The following CELSR1 variants were observed in gnomAD, a reference collection of about 807,000 sequenced individuals.
CELSR1 encodes the protein cadherin EGF LAG seven-pass G-type receptor 1.
CELSR1 carries 110 observed loss-of-function variants against 249.1 expected under a neutral mutation model. That is an observed-to-expected ratio of 0.44 (90% confidence interval 0.38 to 0.52). The LOEUF (loss-of-function observed/expected upper bound fraction) is 0.52. Among genes scored for constraint, CELSR1 ranks in the 20% least tolerant of loss-of-function variants. The probability of loss-of-function intolerance (pLI) is 0.00; values close to 1 mark genes in which losing one functional copy is unlikely to be tolerated. For missense variants in CELSR1, 4,109 were observed against 4,296.4 expected (o/e 0.96, Z 1.22); for synonymous variants, 2,113 against 1,900.0 (o/e 1.11, Z -2.92).
At chr22:46,514,848 C>A (rs984129779) in intron 1 of CELSR1, among the ~76,000 whole-genome samples, 9 of 152,184 alleles carry the variant, frequency 5.9e-5, no homozygotes, top group Admixed American at 5.9e-4. Flanking sequence ...CCCCTTCCCA[C>A]CCCAGGGATG....
At chr22:46,495,038 G>T (rs2080400192) in intron 1 of CELSR1, among the ~76,000 whole-genome samples, 1 of 152,228 alleles carries the variant, frequency 6.6e-6, no homozygotes, top group African/African-American at 2.4e-5. Flanking sequence ...GAACATCACA[G>T]AGTGTCCTTA....
intron 32 of CELSR1, 89 bp from the exon 33 acceptor site, chr22:46,364,825 C>T (rs2078748999): frequency 7.8e-7 from 1 of 1,287,692 alleles, no homozygotes; most frequent in Non-Finnish European, 1.1e-6. Context: ...CTCTGACCCA[C>T]CTCTCCCCAA....
intron 1 of CELSR1, among the ~76,000 whole-genome samples, chr22:46,474,788 CTT>C (rs55932520): frequency 1.1e-5 from 1 of 89,620 alleles, no homozygotes; most frequent in Non-Finnish European, 2.0e-5. Context: ...CTCTCTACTT[CTT>C]TTTTTTTTTT....
chr22:46,431,809 T>C (rs1352338206), intron 5 of CELSR1, among the ~76,000 whole-genome samples: 8 of 152,100 alleles, frequency 5.3e-5, no homozygotes, highest in Non-Finnish European at 1.2e-4. Context: ...AGCAAATAAA[T>C]CCGCGTCTGT....
At chr22:46,485,559 G>A (rs1035151510) in intron 1 of CELSR1, among the ~76,000 whole-genome samples, 7 of 152,222 alleles carry the variant, frequency 4.6e-5, no homozygotes, top group African/African-American at 9.7e-5. Flanking sequence ...AGAAGTGAAC[G>A]TCACAAGTAA....
chr22:46,367,947 C>T, intron 27 of CELSR1, 92 bp from the exon 28 acceptor site: 1 of 1,465,006 alleles, frequency 6.8e-7, no homozygotes, highest in Non-Finnish European at 9.1e-7. Context: ...CACCTGCCTG[C>T]CCGTCCGCCC....
chr22:46,378,843 C>T (rs553065136), intron 22 of CELSR1, 126 bp from the exon 23 acceptor site: 122 of 1,260,122 alleles, frequency 9.7e-5, no homozygotes, highest in South Asian at 9.1e-4. Flanking sequence ...CAGCAGGTGC[C>T]GTGAGTGCTG....
At position 46,380,261 on chromosome 22, in the gene CELSR1, G is replaced by A. The variant is rs531327794; in HGVS notation, c.7256+527C>T. Among the ~76,000 whole-genome samples, 3 of 152,298 alleles carry A rather than the reference G, an allele frequency of 2.0e-5. No individual in the cohort carries two copies. Among genetic ancestry groups the A allele is most frequent in the Non-Finnish European group, 2.9e-5 (2 of 68,018 alleles). On this transcript the variant is annotated intron_variant, in intron 22 of 34. Transcript: ENST00000674500. The surrounding 1 kb of genome is among the most constrained non-coding windows in gnomAD (Gnocchi z 5.1). Reference sequence around the variant, plus strand: ...GTTCGCCACTCTGTGACTCTCTGACGCTGCTTCTGAAACGGGCCAGATAAA... The same window carrying A: ...GTTCGCCACTCTGTGACTCTCTGACACTGCTTCTGAAACGGGCCAGATAAA...
rs570113056 is a variant in CELSR1, at chr22:46,436,982, G to C, written c.4407-693C>G. Reference sequence around the variant, plus strand: ...TGCTGACTCATTGGTTTATAAGAATGTATGATCCATAAGGGGAGGAACCGC... The same window carrying C: ...TGCTGACTCATTGGTTTATAAGAATCTATGATCCATAAGGGGAGGAACCGC... On this transcript the variant is annotated intron_variant, in intron 3 of 34. Coordinates refer to ENST00000674500, the MANE Select transcript of CELSR1 (RefSeq NM_001378328.1). The surrounding 1 kb of genome is among the most constrained non-coding windows in gnomAD (Gnocchi z 5.9). Among the ~76,000 whole-genome samples the C allele has an allele frequency of 6.6e-6, 1 of 152,290 alleles. No homozygotes were observed. The highest frequency in any genetic ancestry group is 2.1e-4 in the South Asian group (1 of 4,824).
intron 14 of CELSR1, among the ~76,000 whole-genome samples, chr22:46,392,785 T>A (rs879388507): frequency 2.6e-5 from 4 of 152,174 alleles, no homozygotes; most frequent in Non-Finnish European, 5.9e-5. Flanking sequence ...CTTGAACTCC[T>A]GGGCTCAAGT....
intron 18 of CELSR1, among the ~76,000 whole-genome samples, 180 bp downstream of exon 18, chr22:46,389,110 C>T (rs1602063113): frequency 3.9e-5 from 6 of 152,234 alleles, no homozygotes; most frequent in African/African-American, 4.8e-5. Flanking sequence ...CCCTAACGCT[C>T]GTCGTCAGTT....
At position 46,535,116 on chromosome 22, in the gene CELSR1, C is replaced by T. The variant is rs772772302; in HGVS notation, c.2055G>A (p.Pro685=). ...GCTCGTAGGTGGGCTGCGTGAACAC[C>T]GGGTCGTTGTCATTCACGTCCAGCA... ...ITVLDVNDND[P]VFTQPTYELR... Residue 685 remains proline (P), a synonymous_variant, in exon 1 of 35, where the codon CCG becomes CCA. Transcript: ENST00000674500. 36 of 1,611,318 alleles carry T rather than the reference C, an allele frequency of 2.2e-5. No homozygotes were observed. Among genetic ancestry groups the T allele is most frequent in the Non-Finnish European group, 2.9e-5 (34 of 1,179,816 alleles).
Position 46,386,535 on chromosome 22 carries a change from C to T in CELSR1, c.6606G>A (p.Ala2202=), listed in dbSNP as rs769151042. The T allele has an allele frequency of 7.1e-5, 113 of 1,597,122 alleles. No individual in the cohort carries two copies. The highest frequency in any genetic ancestry group is 8.6e-5 in the Admixed American group (5 of 57,822). Residue 2202 remains alanine, a synonymous_variant, in exon 19 of 35, where the codon GCG becomes GCA. Coordinates refer to ENST00000674500, the MANE Select transcript of CELSR1 (RefSeq NM_001378328.1). Reference sequence around the variant, plus strand: ...CCTCGCTCCGCTGGATCTGCTCCCACGCCGCCCTGGTGGCTGGGGCCAGGA... The same window carrying T: ...CCTCGCTCCGCTGGATCTGCTCCCATGCCGCCCTGGTGGCTGGGGCCAGGA... The part of the protein sequence containing the change: ...SALLAPATRA[A]WEQIQRSEGG...
rs371214679 is a variant in CELSR1 at position 46,390,366 on chromosome 22, AAC to A, written c.6345+24_6345+25del. ...CACGAACACACACGTGCCCCTGCTG[AAC>A]ACACATCCCCGAGGCGCCCCTACCA... is the stretch of plus-strand genomic sequence containing the variant. On this transcript the variant is annotated intron_variant, in intron 17 of 34. Coordinates refer to ENST00000674500, the MANE Select transcript of CELSR1 (RefSeq NM_001378328.1). This position sits in a 1 kb window ranked among gnomAD's most constrained non-coding sequence, Gnocchi z 6.3. 1,105 of 1,577,628 alleles carry A rather than the reference AAC, an allele frequency of 7.0e-4. 8 individuals carry two copies. The Middle Eastern group carries it at 0.012, about 16-fold the overall frequency.
chr22:46,533,726 G>T lies in CELSR1; in HGVS notation c.3445C>A (p.Arg1149Ser), dbSNP rs773035011. The T allele has an allele frequency of 2.5e-5, 41 of 1,612,938 alleles. No homozygotes were observed. The highest frequency in any genetic ancestry group is 3.4e-5 in the Non-Finnish European group (40 of 1,180,000). ...GTGGCGGGGTCCAGCAGCAACAGGC[G>T]CAGCTCGTTGCCCTGCACGAAGGTG... ...NYTFVQGNEL[R>S]LLLLDPATGE... Residue 1149 changes from arginine to serine, a missense_variant, in exon 1 of 35, where the codon CGC (arginine) becomes AGC (serine). This residue lies in a region of CELSR1 where 886 missense variants were observed against 896.5 expected (regional missense o/e 0.99). Transcript: ENST00000674500.
chr22:46,503,950 C>T (rs931039299), intron 1 of CELSR1, among the ~76,000 whole-genome samples: 2 of 152,162 alleles, frequency 1.3e-5, no homozygotes, highest in Non-Finnish European at 2.9e-5. Context: ...AGGAGGATGG[C>T]TTGAACCCAG....
Position 46,457,033 on chromosome 22 carries a change from A to G in CELSR1, c.4183+6674T>C, listed in dbSNP as rs4823548. Among the ~76,000 whole-genome samples the G allele has an allele frequency of 2.0e-5, 3 of 151,950 alleles. No homozygotes were observed. The South Asian group carries it at 6.2e-4, about 31-fold the overall frequency. ...GGTTCCTGATTCCCAAACCAAGCTA[A>G]GGCCCCAGCTAGGGAGCACCCGACA... On this transcript the variant is annotated intron_variant, in intron 2 of 34. Coordinates refer to ENST00000674500, the MANE Select transcript of CELSR1 (RefSeq NM_001378328.1).
intron 1 of CELSR1, among the ~76,000 whole-genome samples, chr22:46,489,596 G>A (rs1261993662): frequency 6.6e-6 from 1 of 152,040 alleles, no homozygotes; most frequent in African/African-American, 2.4e-5. Context: ...GCTCCTGGGG[G>A]CAGCTCAGAC....
rs919065891 is a variant in CELSR1 at position 46,490,841 on chromosome 22, C to A, written c.3545-26496G>T. 3.9e-5 allele frequency among the ~76,000 whole-genome samples: 6 copies of A among 152,284 alleles called. No individual in the cohort carries two copies. The highest frequency in any genetic ancestry group is 2.6e-4 in the Admixed American group (4 of 15,294). Reference sequence around the variant, plus strand: ...CCTGGGGCTGCTGCACGTGCCGCACCCTGATCCTCCAGGCAGTCCAAATGG... The same window carrying A: ...CCTGGGGCTGCTGCACGTGCCGCACACTGATCCTCCAGGCAGTCCAAATGG... On this transcript the variant is annotated intron_variant, in intron 1 of 34. Coordinates refer to ENST00000674500, the MANE Select transcript of CELSR1 (RefSeq NM_001378328.1). The surrounding 1 kb of genome is among the most constrained non-coding windows in gnomAD (Gnocchi z 5.2).
Sources: allele counts gnomAD v4.1 joint callset (sites outside exome capture counted in the v4.1 genomes callset), GRCh38; gene constraint gnomAD v4.1.1; regional missense constraint gnomAD v4.1.1; non-coding constraint Gnocchi (gnomAD v3.1); transcripts MANE v1.5; gene names NCBI Gene and HGNC (gene_info 2026-07-23, HGNC 2026-07-21).